The following TNS1 variants were observed in gnomAD, a reference collection of about 807,000 sequenced individuals.
TNS1 encodes the protein tensin-1.
Under a neutral mutation model 168.6 loss-of-function variants are expected in TNS1, and 62 were observed. The ratio of observed to expected loss-of-function variants is 0.37; its 90% CI spans 0.30 to 0.45. The LOEUF is 0.45. TNS1 is among the 20% of genes least tolerant of loss of function. The pLI, the probability that TNS1 is intolerant of heterozygous loss-of-function variation, is 1.00. For missense variants in TNS1, 2,240 were observed against 2,339.4 expected, an observed-to-expected ratio of 0.96 and a Z score of 0.88; for synonymous variants, 934 against 933.2, an observed-to-expected ratio of 1.00 and a Z score of -0.02.
Position 217,848,149 on chromosome 2 carries a change from G to A in TNS1, c.2368C>T (p.Arg790Cys), listed in dbSNP as rs775007214. 4.4e-5 allele frequency: 71 copies of A among 1,601,540 alleles called. No individual in the cohort carries two copies. The highest frequency in any genetic ancestry group is 2.9e-4 in the East Asian group (13 of 44,878). ...QQQQQPRPPP[R>C]QQERAHLESL... is the part of the protein sequence containing the mutation. ...TCCAAGTGGGCTCTTTCCTGCTGGCGTGGAGGTGGGCGAGGCTGCTGCTGC... is the reference window on the plus strand; with the variant it reads ...TCCAAGTGGGCTCTTTCCTGCTGGCATGGAGGTGGGCGAGGCTGCTGCTGC... Residue 790 changes from arginine to cysteine, a missense_variant, in exon 19 of 33, where the codon CGC becomes TGC. Coordinates refer to ENST00000682258, the MANE Select transcript of TNS1 (RefSeq NM_001387777.1).
intron 3 of TNS1, among the ~76,000 whole-genome samples, chr2:217,923,678 T>TAACC (rs1010497053): frequency 2.0e-5 from 3 of 152,244 alleles, no homozygotes; most frequent in Non-Finnish European, 2.9e-5. Flanking sequence ...TTGCTCATAC[T>TAACC]AACCAAAGCT....
At position 217,847,726 on chromosome 2, in the gene TNS1, T is replaced by G. The variant is rs141901890; in HGVS notation, c.2791A>C (p.Asn931His). The change falls in exon 19 of 33, where the codon AAC (asparagine) becomes CAC (histidine). Residue 931 changes from asparagine (N) to histidine (H), a missense_variant. By Grantham distance (68) the Asn-to-His change is moderately conservative. This residue lies in a region of TNS1 where 2,131 missense variants were observed against 2,171.2 expected (regional missense o/e 0.98). Coordinates refer to ENST00000682258, the MANE Select transcript of TNS1 (RefSeq NM_001387777.1). ...GGGCTCTTTGAATGGAAATCCTGGT[T>G]AGGCCCAGCCAAACATGGCTGATAG... The part of the protein sequence containing the change: ...YDYQPCLAGP[N>H]QDFHSKSPAS... 3,452 of 1,607,506 alleles carry G rather than the reference T, an allele frequency of 2.1e-3. 8 individuals carry two copies. The highest frequency in any genetic ancestry group is 6.6e-3 in the Middle Eastern group (40 of 6,046).
At chr2:217,872,752 C>T (rs182400342) in intron 18 of TNS1, among the ~76,000 whole-genome samples, 3,446 of 152,316 alleles carry the variant, frequency 0.023, 134 homozygotes, top group African/African-American at 0.077. Context: ...TTGACAGCAG[C>T]ATTCTTCACA....
chr2:217,850,515 C>G (rs1947316229), intron 18 of TNS1: 1 of 984,798 alleles, frequency 1.0e-6, no homozygotes, highest in South Asian at 4.7e-5. Flanking sequence ...TGAAGAACTT[C>G]CCCGCCCAGA....
At chr2:217,911,618 C>A (rs1954416394) in intron 4 of TNS1, among the ~76,000 whole-genome samples, 1 of 152,208 alleles carries the variant, frequency 6.6e-6, no homozygotes, top group African/African-American at 2.4e-5. Context: ...GATCACCAGT[C>A]CTCACAACCA....
Position 217,961,361 on chromosome 2 carries a change from CAG to C in TNS1, c.186+17402_186+17403del, listed in dbSNP as rs558256347. ...TTACCCTCTTCCAAACTGCTCAGAT[CAG>C]AGAGAGGAACCACTTTGGTCGGCAC... On this transcript the variant is annotated intron_variant, in intron 3 of 32. Coordinates refer to ENST00000682258, the MANE Select transcript of TNS1 (RefSeq NM_001387777.1). Among the ~76,000 whole-genome samples the C allele has an allele frequency of 6.6e-5, 10 of 152,078 alleles. No individual in the cohort carries two copies. The South Asian group carries it at 2.1e-3, about 32-fold the overall frequency.
At chr2:218,003,793 TCTCCCCCTCCCTGGGCC>T (rs1958617109), upstream of TNS1, among the ~76,000 whole-genome samples, 1 of 33,904 alleles carries the variant, frequency 2.9e-5, no homozygotes, top group South Asian at 9.3e-4. Context: ...CCTCCTCCCC[TCTCCCCCTCCCTGGGCC>T]CAGTTCTCCC....
chr2:217,811,113 C>T (rs968233594), intron 28 of TNS1, among the ~76,000 whole-genome samples: 7 of 152,108 alleles, frequency 4.6e-5, no homozygotes, highest in African/African-American at 9.7e-5. Context: ...TGCCTCACTT[C>T]GAGCAATCCT....
chr2:217,880,312 G>T lies in TNS1; in HGVS notation c.1429+586C>A, dbSNP rs1466885892. 6.6e-6 allele frequency among the ~76,000 whole-genome samples: 1 copy of T among 152,172 alleles called. No individual in the cohort carries two copies. Among genetic ancestry groups the T allele is most frequent in the Admixed American group, 6.5e-5 (1 of 15,292 alleles). Reference sequence around the variant, plus strand: ...TTAAACATGTATTAATTTCAATTCTGCTGCTTTCTTTTCAAATTTCAGAGC... The same window carrying T: ...TTAAACATGTATTAATTTCAATTCTTCTGCTTTCTTTTCAAATTTCAGAGC... On this transcript the variant is annotated intron_variant, in intron 18 of 32. Coordinates refer to ENST00000682258, the MANE Select transcript of TNS1 (RefSeq NM_001387777.1). This position sits in a 1 kb window ranked among gnomAD's most constrained non-coding sequence, Gnocchi z 4.2.
At chr2:217,928,945 G>A (rs1956174706) in intron 3 of TNS1, among the ~76,000 whole-genome samples, 1 of 152,132 alleles carries the variant, frequency 6.6e-6, no homozygotes, top group African/African-American at 2.4e-5. Flanking sequence ...CCCACACACA[G>A]AGCAGCTGCC....
At chr2:217,852,365 G>A (rs1009195821) in intron 18 of TNS1, among the ~76,000 whole-genome samples, 1 of 152,106 alleles carries the variant, frequency 6.6e-6, no homozygotes, top group Admixed American at 6.5e-5. Flanking sequence ...ACACTGTGAG[G>A]TGCCAGAATT....
intron 2 of TNS1, among the ~76,000 whole-genome samples, chr2:217,979,371 T>G (rs1957981836): frequency 6.6e-6 from 1 of 151,342 alleles, no homozygotes; most frequent in Non-Finnish European, 1.5e-5. Context: ...ACACACAGTC[T>G]CACACACACA....
chr2:217,945,368 G>A (rs1353565289), intron 3 of TNS1, among the ~76,000 whole-genome samples: 1 of 152,200 alleles, frequency 6.6e-6, no homozygotes, highest in Non-Finnish European at 1.5e-5. Flanking sequence ...GAGCATGTGG[G>A]GCCAGAGCCA....
At chr2:217,997,643 G>A (rs1170023855) in intron 1 of TNS1, among the ~76,000 whole-genome samples, 2 of 152,206 alleles carry the variant, frequency 1.3e-5, no homozygotes, top group Admixed American at 6.5e-5. Context: ...AACGGCCCCT[G>A]CACTTGTTAC....
chr2:217,899,643 G>T (rs1952718632), intron 7 of TNS1, among the ~76,000 whole-genome samples: 3 of 152,358 alleles, frequency 2.0e-5, no homozygotes, highest in Admixed American at 2.0e-4. Context: ...AGGGCCATGA[G>T]TCAGACGTGG....
chr2:217,996,367 T>C (rs1958470507), intron 1 of TNS1, among the ~76,000 whole-genome samples: 1 of 152,128 alleles, frequency 6.6e-6, no homozygotes, highest in African/African-American at 2.4e-5. Flanking sequence ...CTGGGAGGCC[T>C]GGTGGGCATC....
At chr2:217,969,382 G>A (rs1004799261) in intron 3 of TNS1, among the ~76,000 whole-genome samples, 1 of 152,062 alleles carries the variant, frequency 6.6e-6, no homozygotes, top group Non-Finnish European at 1.5e-5. Context: ...GAAAACAGGG[G>A]TAAATCTTTG....
In TNS1 at chr2:217,867,335, G is replaced by T. The variant is rs192365280; in HGVS notation, c.1429+13563C>A. On this transcript the variant is annotated intron_variant, in intron 18 of 32. Coordinates refer to ENST00000682258, the MANE Select transcript of TNS1 (RefSeq NM_001387777.1). ...CCAGCAATTCCACTTCCAGAAATTT[G>T]TCCTATAGATAGACTTACCCAAATG... Among the ~76,000 whole-genome samples, 95 of 152,234 alleles carry T rather than the reference G, an allele frequency of 6.2e-4. No homozygotes were observed. The Middle Eastern group carries it at 0.017, about 27-fold the overall frequency.
At position 217,802,717 on chromosome 2, in the gene TNS1, T is replaced by C. The variant is rs1217856553; in HGVS notation, c.*1742A>G. ...ATAAAAAAGGATAGGAATTGGTTTA[T>C]CCCCAAGGAAGGCAATAAAGCAATA... On this transcript the variant is annotated 3_prime_UTR_variant, in exon 33 of 33. Transcript: ENST00000682258. 6.6e-6 allele frequency: 1 copy of C among 152,636 alleles called. No individual in the cohort carries two copies. The highest frequency in any genetic ancestry group is 2.4e-5 in the African/African-American group (1 of 41,448). 9.5% of individuals were successfully genotyped at this position (152,636 alleles called of 1,614,324 possible). A position where few individuals can be genotyped will look rare whatever the true frequency, so the allele number is the denominator to read the frequency against.
Sources: allele counts gnomAD v4.1 joint callset (sites outside exome capture counted in the v4.1 genomes callset), GRCh38; gene constraint gnomAD v4.1.1; regional missense constraint gnomAD v4.1.1; non-coding constraint Gnocchi (gnomAD v3.1); transcripts MANE v1.5; gene names NCBI Gene and HGNC (gene_info 2026-07-23, HGNC 2026-07-21).